KCNN2: variants seen among roughly 807,000 people sequenced by gnomAD.
The protein encoded by KCNN2 is small conductance calcium-activated potassium channel protein 2.
In KCNN2, 24 loss-of-function variants were observed where a neutral mutation model predicts 55.5. That is an observed-to-expected ratio of 0.43 (90% confidence interval 0.31 to 0.61). The LOEUF (loss-of-function observed/expected upper bound fraction) is 0.61, where lower values mean the gene tolerates loss of function less well. Ranked by LOEUF, KCNN2 falls within the 20% of genes least tolerant of loss-of-function variation. KCNN2 has a pLI of 0.08. For synonymous variants in KCNN2, 431 were observed against 336.1 expected, an observed-to-expected ratio of 1.28 and a Z score of -3.09; for missense variants, 754 against 853.6, an observed-to-expected ratio of 0.88 and a Z score of 1.45.
chr5:114,357,870 G>A (rs1271511651), upstream of KCNN2, among the ~76,000 whole-genome samples: 13 of 151,286 alleles, frequency 8.6e-5, no homozygotes, highest in Admixed American at 4.6e-4. Context: ...CTGAGGAATC[G>A]CCACACTGAC....
At chr5:114,280,308 G>T (rs1390579369) in intron 2 of KCNN2, among the ~76,000 whole-genome samples, 1 of 152,134 alleles carries the variant, frequency 6.6e-6, no homozygotes, top group Non-Finnish European at 1.5e-5. Flanking sequence ...AGCTTAATTA[G>T]ACCCCATTTG....
chr5:114,110,664 A>G (rs1174782335), intron 1 of KCNN2, among the ~76,000 whole-genome samples: 1 of 152,002 alleles, frequency 6.6e-6, no homozygotes, highest in Non-Finnish European at 1.5e-5. Context: ...GGACATTTCT[A>G]TTTTAAGCTT....
chr5:114,275,247 T>G (rs1348757274), intron 2 of KCNN2, among the ~76,000 whole-genome samples: 9 of 152,214 alleles, frequency 5.9e-5, no homozygotes, highest in Admixed American at 5.9e-4. Context: ...CGTATTTTAT[T>G]GAGGATTTTT....
At chr5:114,420,507 T>G (rs918929243) in intron 3 of KCNN2, among the ~76,000 whole-genome samples, 1 of 152,208 alleles carries the variant, frequency 6.6e-6, no homozygotes, top group African/African-American at 2.4e-5. Flanking sequence ...AGCAAAAGAT[T>G]AAAATAATTC....
In KCNN2 at chr5:114,363,276, C is replaced by A; in HGVS notation, c.1122+15C>A. On this transcript the variant is annotated intron_variant, in intron 1 of 7. Transcript: ENST00000673685. ...CCTACGACAAGGTACAGGCTTGAAC[C>A]CCAGCCCACGCTACCGGAGTCGGGC... is the stretch of plus-strand genomic sequence containing the variant. 6.3e-7 allele frequency: 1 copy of A among 1,577,536 alleles called. No homozygotes were observed. The highest frequency in any genetic ancestry group is 8.6e-7 in the Non-Finnish European group (1 of 1,162,176).
intron 1 of KCNN2, among the ~76,000 whole-genome samples, chr5:114,071,443 A>T (rs1207417095): frequency 6.6e-6 from 1 of 152,210 alleles, no homozygotes; most frequent in Non-Finnish European, 1.5e-5. Flanking sequence ...CTTAGGTCAC[A>T]TGCTTGTACC....
At chr5:114,335,226 A>G (rs537436100) in intron 2 of KCNN2, among the ~76,000 whole-genome samples, 11 of 152,112 alleles carry the variant, frequency 7.2e-5, no homozygotes, top group Non-Finnish European at 1.5e-4. Flanking sequence ...TTTAGGCCCA[A>G]TATGACCACT....
At chr5:114,356,203 G>T (rs1038804844) in intron 2 of KCNN2, among the ~76,000 whole-genome samples, 11 of 152,110 alleles carry the variant, frequency 7.2e-5, no homozygotes, top group Admixed American at 7.2e-4. Context: ...CTTGGGTAGG[G>T]TAGGCACTGC....
chr5:114,319,037 C>T (rs145260751), intron 2 of KCNN2, among the ~76,000 whole-genome samples: 2 of 152,164 alleles, frequency 1.3e-5, no homozygotes, highest in Non-Finnish European at 2.9e-5. Context: ...GTGCCCCCAA[C>T]GTACACAGAC....
Position 114,060,605 on chromosome 5 carries a change from A to G in KCNN2, c.-271+4105A>G, listed in dbSNP as rs535527630. Among the ~76,000 whole-genome samples, 12 of 152,330 alleles carry G rather than the reference A, an allele frequency of 7.9e-5. No individual in the cohort carries two copies. In the East Asian group the frequency reaches 1.7e-3, roughly 22 times the overall value. On this transcript the variant is annotated intron_variant, in intron 1 of 10. Coordinates refer to the KCNN2 transcript ENST00000512097. ...CAGCTGAGTATGGCATTGCTTAACA[A>G]TGTAGGCTTTGGGATATAATAGACC...
chr5:114,131,033 C>A (rs751381758), intron 1 of KCNN2, among the ~76,000 whole-genome samples: 1 of 152,100 alleles, frequency 6.6e-6, no homozygotes, highest in Non-Finnish European at 1.5e-5. Context: ...AATAGAAAAC[C>A]TTTATGGTTA....
chr5:114,221,628 A>G (rs1341962828), intron 2 of KCNN2, among the ~76,000 whole-genome samples: 1 of 152,204 alleles, frequency 6.6e-6, no homozygotes, highest in African/African-American at 2.4e-5. Context: ...GATTTTATTG[A>G]AAACAAAAGT....
Position 114,293,588 on chromosome 5 carries a change from G to T in KCNN2, c.-184-67357G>T, listed in dbSNP as rs1236736918. Among the ~76,000 whole-genome samples, 6 of 152,274 alleles carry T rather than the reference G, an allele frequency of 3.9e-5. No homozygotes were observed. In the South Asian group the frequency reaches 1.2e-3, roughly 32 times the overall value. ...GGTTTTTGATGTGCTGCTGGATTCAGTTTGCCAGTATTTTATTGAGGATTT... is the reference window on the plus strand; with the variant it reads ...GGTTTTTGATGTGCTGCTGGATTCATTTTGCCAGTATTTTATTGAGGATTT... On this transcript the variant is annotated intron_variant, in intron 2 of 10. Coordinates refer to the KCNN2 transcript ENST00000512097.
intron 1 of KCNN2, among the ~76,000 whole-genome samples, chr5:114,085,697 G>C (rs2112547189): frequency 6.6e-6 from 1 of 152,110 alleles, no homozygotes; most frequent in South Asian, 2.1e-4. Flanking sequence ...GAGTGCACTT[G>C]AAAATAATTT....
intron 1 of KCNN2, among the ~76,000 whole-genome samples, chr5:114,175,855 T>C (rs969529522): frequency 2.0e-5 from 3 of 152,224 alleles, no homozygotes; most frequent in Non-Finnish European, 4.4e-5. Flanking sequence ...ATGAAAAGAA[T>C]TTGATATTCA....
chr5:114,153,410 T>C (rs574160782), intron 1 of KCNN2, among the ~76,000 whole-genome samples: 1 of 152,316 alleles, frequency 6.6e-6, no homozygotes, highest in East Asian at 1.9e-4. Context: ...TCAAGAACTG[T>C]GAAGGGCCTT....
chr5:114,489,133 C>T (rs1381417253), intron 6 of KCNN2: 1 of 152,050 alleles, frequency 6.6e-6, no homozygotes, highest in Non-Finnish European at 1.5e-5. Context: ...GGTTCTGTAG[C>T]CATGTGCAGT....
Position 114,274,247 on chromosome 5 carries a change from G to GTAA in KCNN2, c.-185+52684_-185+52685insATA, listed in dbSNP as rs1554078650. ...ATGCTGTTTTGGTTACTGTAGCCTT[G>GTAA]TATAGTTTGAAGTCAGGTAGCATGA... On this transcript the variant is annotated intron_variant, in intron 2 of 10. Transcript: ENST00000512097. 3.4e-3 allele frequency among the ~76,000 whole-genome samples: 8 copies of GTAA among 2,354 alleles called. No individual in the cohort carries two copies. In the East Asian group the frequency reaches 0.2, roughly 59 times the overall value. 1.5% of individuals were successfully genotyped at this position (2,354 alleles called of 152,430 possible).
chr5:114,076,181 C>T (rs1750681820), intron 1 of KCNN2, among the ~76,000 whole-genome samples: 1 of 152,210 alleles, frequency 6.6e-6, no homozygotes, highest in African/African-American at 2.4e-5. Flanking sequence ...ATACTCTTGG[C>T]CTCCACGCCT....
Sources: allele counts gnomAD v4.1 joint callset (sites outside exome capture counted in the v4.1 genomes callset), GRCh38; gene constraint gnomAD v4.1.1; transcripts MANE v1.5; gene names NCBI Gene and HGNC (gene_info 2026-07-23, HGNC 2026-07-21).